Variants in PDE4D observed in about 807,000 individuals in gnomAD.
PDE4D encodes phosphodiesterase 4D, also known as 3',5'-cyclic-AMP phosphodiesterase 4D.
Under a neutral mutation model 87.4 loss-of-function variants are expected in PDE4D, and 24 were observed. The ratio of observed to expected loss-of-function variants is 0.27; its 90% CI spans 0.20 to 0.39. The LOEUF is 0.39. Ranked by LOEUF, PDE4D falls within the 10% of genes least tolerant of loss-of-function variation. The pLI, the probability that PDE4D is intolerant of heterozygous loss-of-function variation, is 1.00. For missense variants in PDE4D, 714 were observed against 1,041.0 expected (o/e 0.69, Z 4.32); for synonymous variants, 384 against 383.2 (o/e 1.00, Z -0.02).
At chr5:59,375,575 C>T (rs1471646622) in intron 1 of PDE4D, among the ~76,000 whole-genome samples, 1 of 152,248 alleles carries the variant, frequency 6.6e-6, no homozygotes, top group East Asian at 1.9e-4. Context: ...AACCCCAGGA[C>T]CAGACTGATT....
intron 2 of PDE4D, among the ~76,000 whole-genome samples, chr5:60,024,849 G>T (rs951334130): frequency 1.3e-4 from 19 of 151,800 alleles, no homozygotes; most frequent in Non-Finnish European, 2.1e-4. Flanking sequence ...AAAGGCAAGA[G>T]AGCAAAATCT....
rs1213180537 is a variant in PDE4D at position 60,167,714 on chromosome 5, C to CT, written c.42+17842dup. ...TCATTGTGGGTCACTTAATGTTCTC[C>CT]TTTTTTAAAAGAAATTGTTTATCTG... On this transcript the variant is annotated intron_variant, in intron 2 of 16. Coordinates refer to the PDE4D transcript ENST00000502484. Among the ~76,000 whole-genome samples the CT allele has an allele frequency of 7.9e-5, 12 of 151,908 alleles. No homozygotes were observed. The East Asian group carries it at 2.3e-3, about 29-fold the overall frequency.
intron 1 of PDE4D, among the ~76,000 whole-genome samples, chr5:59,774,554 T>C (rs1313009926): frequency 3.4e-5 from 3 of 88,928 alleles, no homozygotes; most frequent in Non-Finnish European, 6.5e-5. Context: ...AATCTAGTTA[T>C]ATGGGGTTTT....
intron 1 of PDE4D, among the ~76,000 whole-genome samples, chr5:60,386,200 C>T (rs377733314): frequency 1.3e-5 from 2 of 151,950 alleles, no homozygotes; most frequent in East Asian, 3.9e-4. Flanking sequence ...CCCTTTAGTA[C>T]GTGCTTTAAA....
At chr5:59,872,913 T>G (rs535367687) in intron 1 of PDE4D, among the ~76,000 whole-genome samples, 40 of 152,112 alleles carry the variant, frequency 2.6e-4, no homozygotes, top group Non-Finnish European at 4.6e-4. Context: ...ATATGCCACC[T>G]CTATTTTCAC....
intron 1 of PDE4D, among the ~76,000 whole-genome samples, chr5:59,267,158 A>G (rs1762983740): frequency 6.6e-6 from 1 of 152,088 alleles, no homozygotes; most frequent in African/African-American, 2.4e-5. Flanking sequence ...AAGTTGCAGT[A>G]TCAGAGCAAA....
At chr5:60,477,706 AC>A in intron 1 of PDE4D, among the ~76,000 whole-genome samples, 1 of 152,276 alleles carries the variant, frequency 6.6e-6, no homozygotes, top group Non-Finnish European at 1.5e-5. Flanking sequence ...ACACAAAGAG[AC>A]TTGAAAAGTG....
intron 2 of PDE4D, among the ~76,000 whole-genome samples, chr5:60,119,164 C>T (rs1301556135): frequency 1.3e-5 from 2 of 152,158 alleles, no homozygotes; most frequent in African/African-American, 4.8e-5. Context: ...TCATTTTAGC[C>T]TTATCACCAG....
At chr5:60,421,537 G>T (rs1743098576) in intron 1 of PDE4D, among the ~76,000 whole-genome samples, 1 of 152,150 alleles carries the variant, frequency 6.6e-6, no homozygotes, top group South Asian at 2.1e-4. Context: ...CCCATCTGTA[G>T]GTCACCAACA....
At position 59,568,025 on chromosome 5, in the gene PDE4D, GT is replaced by G. The variant is rs540567171; in HGVS notation, c.455+325142del. Among the ~76,000 whole-genome samples the G allele has an allele frequency of 8.1e-4, 123 of 152,282 alleles. 1 individual carries two copies. Among genetic ancestry groups the G allele is most frequent in the South Asian group, 7.3e-3 (35 of 4,826 alleles). On this transcript the variant is annotated intron_variant, in intron 1 of 14. Transcript: ENST00000340635. ...GAACACACCTATTGCTCAAATCTTG[GT>G]TTTTAATACCATTTTCCAATGAAAG...
chr5:60,154,036 A>C (rs1230266317), intron 2 of PDE4D, among the ~76,000 whole-genome samples: 1 of 152,172 alleles, frequency 6.6e-6, no homozygotes, highest in African/African-American at 2.4e-5. Flanking sequence ...ATAAAAAAAC[A>C]AGCAAAAGCA....
intron 1 of PDE4D, among the ~76,000 whole-genome samples, chr5:60,331,535 G>A (rs1024437624): frequency 3.9e-5 from 6 of 152,150 alleles, no homozygotes; most frequent in African/African-American, 1.2e-4. Context: ...TGTGTGGAAC[G>A]CAAACTTCCC....
chr5:60,416,429 T>C (rs1244276321), intron 1 of PDE4D, among the ~76,000 whole-genome samples: 4 of 152,098 alleles, frequency 2.6e-5, no homozygotes, highest in Admixed American at 2.6e-4. Context: ...GCTGTAACAC[T>C]CACTGCAAAG....
intron 1 of PDE4D, among the ~76,000 whole-genome samples, chr5:59,676,026 T>A (rs918750346): frequency 6.6e-6 from 1 of 152,096 alleles, no homozygotes; most frequent in African/African-American, 2.4e-5. Context: ...CACTGTGACC[T>A]ATAACATTTA....
chr5:59,306,594 A>C (rs928601344), intron 1 of PDE4D, among the ~76,000 whole-genome samples: 1 of 152,162 alleles, frequency 6.6e-6, no homozygotes, highest in East Asian at 1.9e-4. Flanking sequence ...AATCATCAGT[A>C]AACTCCCATT....
chr5:60,171,077 T>C (rs1191727142), intron 2 of PDE4D, among the ~76,000 whole-genome samples: 1 of 152,044 alleles, frequency 6.6e-6, no homozygotes, highest in African/African-American at 2.4e-5. Context: ...TATAGTGGAA[T>C]TTTTATCAAA....
rs573219927 is a variant in PDE4D at position 59,012,769 on chromosome 5, C to A, written c.922-19304G>T. The stretch of plus-strand genomic sequence containing the variant: ...CGAGACAGAAAATTAACAAGGATAT[C>A]CAGGAATTGAACTCAGCTCTGCAAC... On this transcript the variant is annotated intron_variant, in intron 6 of 14. Coordinates refer to ENST00000340635, the MANE Select transcript of PDE4D (RefSeq NM_001104631.2). Among the ~76,000 whole-genome samples, 12 of 152,168 alleles carry A rather than the reference C, an allele frequency of 7.9e-5. No homozygotes were observed. The East Asian group carries it at 1.7e-3, about 22-fold the overall frequency.
chr5:59,308,685 T>C lies in PDE4D; in HGVS notation c.456-92717A>G, dbSNP rs117255131. ...AGGGGTTGGGGGGCGCAATGGGCTC[T>C]GTGGGGGTTCTTAGCTTTCGTGGTT... On this transcript the variant is annotated intron_variant, in intron 1 of 14. Coordinates refer to ENST00000340635, the MANE Select transcript of PDE4D (RefSeq NM_001104631.2). Among the ~76,000 whole-genome samples the C allele has an allele frequency of 8.4e-4, 128 of 151,982 alleles. 5 individuals are homozygous for C. The East Asian group carries it at 0.024, about 28-fold the overall frequency.
intron 1 of PDE4D, among the ~76,000 whole-genome samples, chr5:59,438,811 A>G (rs1797162389): frequency 6.6e-6 from 1 of 152,236 alleles, no homozygotes; most frequent in South Asian, 2.1e-4. Context: ...AAAACAAATA[A>G]TAGAGAAACT....
Sources: gnomAD v4.1 joint callset for allele counts (sites outside exome capture counted in the v4.1 genomes callset) on GRCh38, gnomAD v4.1.1 for gene constraint, MANE v1.5 for transcripts, NCBI Gene and HGNC (gene_info 2026-07-23, HGNC 2026-07-21) for gene names.